RMDN2: variants seen among roughly 807,000 people sequenced by gnomAD.
The protein encoded by RMDN2 is regulator of microtubule dynamics protein 2.
Under a neutral mutation model 52.8 loss-of-function variants are expected in RMDN2, and 61 were observed. That is an observed-to-expected ratio of 1.16 (90% CI 0.94 to 1.43). The LOEUF (loss-of-function observed/expected upper bound fraction) is 1.43, where lower values mean the gene tolerates loss of function less well. Among genes scored for constraint, RMDN2 ranks in the 40% most tolerant of loss-of-function variants. RMDN2 has a pLI of 0.00. For missense variants in RMDN2, 592 were observed against 475.3 expected (o/e 1.25, Z -2.28); for synonymous variants, 180 against 153.1 (o/e 1.18, Z -1.30).
intron 2 of RMDN2, chr2:37,952,165 A>C: frequency 6.2e-7 from 1 of 1,613,238 alleles, no homozygotes; most frequent in Non-Finnish European, 8.5e-7. Context: ...TTTCAAGATG[A>C]AGACAGATCT....
chr2:38,058,248 A>G (rs2125305826), intron 10 of RMDN2, among the ~76,000 whole-genome samples: 1 of 152,330 alleles, frequency 6.6e-6, no homozygotes, highest in East Asian at 1.9e-4. Context: ...GGGCTAGGGA[A>G]GGGGGTGAAG....
intron 2 of RMDN2, chr2:37,950,128 A>G (rs76183228): frequency 0.013 from 2,389 of 186,666 alleles, 69 homozygotes; most frequent in African/African-American, 0.053. Context: ...GGATGCAAAA[A>G]TCTGGGGTAA....
chr2:37,935,102 A>G (rs1225850854), intron 2 of RMDN2, among the ~76,000 whole-genome samples: 1 of 152,134 alleles, frequency 6.6e-6, no homozygotes, highest in Non-Finnish European at 1.5e-5. Context: ...TTAGGTTCAT[A>G]TGATACTCTC....
chr2:38,041,747 TATTA>T (rs1456814463), intron 10 of RMDN2, among the ~76,000 whole-genome samples: 4 of 152,212 alleles, frequency 2.6e-5, no homozygotes, highest in Admixed American at 2.0e-4. Context: ...TGATAGATCA[TATTA>T]ATTAATTTTC....
chr2:38,003,896 T>C, intron 8 of RMDN2, 95 bp from the exon 9 acceptor site: 3 of 989,652 alleles, frequency 3.0e-6, no homozygotes, highest in Non-Finnish European at 4.8e-6. Context: ...GTTTGGTTCA[T>C]AATATTTGAT....
intron 10 of RMDN2, among the ~76,000 whole-genome samples, chr2:38,022,847 C>G (rs1244841713): frequency 6.6e-6 from 1 of 152,184 alleles, no homozygotes; most frequent in African/African-American, 2.4e-5. Context: ...CACTAAACTT[C>G]TCATTTTTAC....
intron 2 of RMDN2, among the ~76,000 whole-genome samples, chr2:37,967,519 A>C (rs1345395341): frequency 1.3e-5 from 2 of 152,248 alleles, no homozygotes; most frequent in African/African-American, 2.4e-5. Context: ...TCATGGCAAC[A>C]GACTTTTGGA....
At chr2:37,963,698 G>T (rs531093583) in intron 2 of RMDN2, among the ~76,000 whole-genome samples, 1 of 152,170 alleles carries the variant, frequency 6.6e-6, no homozygotes, top group East Asian at 1.9e-4. Flanking sequence ...ACAAAATGGA[G>T]TCTCCTATGT....
intron 3 of RMDN2, among the ~76,000 whole-genome samples, chr2:37,974,537 G>T (rs764011750): frequency 1.3e-4 from 20 of 149,456 alleles, no homozygotes; most frequent in Non-Finnish European, 2.4e-4. Flanking sequence ...GACAGATATG[G>T]GTATTCAAAG....
chr2:37,945,033 A>G (rs981366951), intron 2 of RMDN2, among the ~76,000 whole-genome samples: 1 of 152,214 alleles, frequency 6.6e-6, no homozygotes, highest in Admixed American at 6.5e-5. Context: ...CGAAGAAAGA[A>G]TAGTATCACT....
At chr2:37,959,187 C>T (rs1255936946) in intron 2 of RMDN2, among the ~76,000 whole-genome samples, 1 of 150,934 alleles carries the variant, frequency 6.6e-6, no homozygotes. Context: ...AGGGAGAAGT[C>T]CCTCTTTTTC....
Position 37,991,230 on chromosome 2 carries a change from A to G in RMDN2, c.878A>G (p.Asp293Gly), listed in dbSNP as rs1270679118. The change falls in exon 7 of 11, where the codon GAT becomes GGT. Residue 293 changes from aspartate (D) to glycine (G), a missense_variant. Coordinates refer to ENST00000354545, the MANE Select transcript of RMDN2 (RefSeq NM_001170791.3). ...NYGHLFKEHLDIAIKLLPEEP... is the reference protein window; with the variant it reads ...NYGHLFKEHLGIAIKLLPEEP... Reference sequence around the variant, plus strand: ...GGATGCTTTTTTCAGGAACATCTAGATATAGCAATCAAACTTTTACCAGAG... The same window carrying G: ...GGATGCTTTTTTCAGGAACATCTAGGTATAGCAATCAAACTTTTACCAGAG... 1 of 1,583,462 alleles carries G rather than the reference A, an allele frequency of 6.3e-7. No individual in the cohort carries two copies. Among genetic ancestry groups the G allele is most frequent in the Non-Finnish European group, 8.6e-7 (1 of 1,160,854 alleles).
intron 10 of RMDN2, among the ~76,000 whole-genome samples, chr2:38,011,000 AC>A (rs1345000677): frequency 1.3e-5 from 2 of 152,198 alleles, no homozygotes; most frequent in African/African-American, 4.8e-5. Context: ...TAGATGTAAG[AC>A]AGCAGGGAGT....
intron 10 of RMDN2, among the ~76,000 whole-genome samples, chr2:38,062,388 G>A (rs1682089058): frequency 6.6e-6 from 1 of 152,180 alleles, no homozygotes; most frequent in Admixed American, 6.5e-5. Context: ...TCAAGTTGTT[G>A]TGTGTATCAA....
chr2:38,017,615 A>G lies in RMDN2; in HGVS notation c.*376A>G, dbSNP rs1270794921. ...AAAATAATTTCATTAATGTGGATGA[A>G]AAATGGAAAACTCAGCAAAGGACAT... On this transcript the variant is annotated 3_prime_UTR_variant, in exon 11 of 11. Transcript: ENST00000354545. 2.5e-6 allele frequency: 3 copies of G among 1,217,240 alleles called. No individual in the cohort carries two copies. Among genetic ancestry groups the G allele is most frequent in the African/African-American group, 1.6e-5 (1 of 63,168 alleles). The allele number at this position is 1,217,240 out of a possible 1,614,324, so 75.4% of individuals were successfully genotyped here. A position where few individuals can be genotyped will look rare whatever the true frequency, so the allele number is the denominator to read the frequency against.
At chr2:37,973,944 A>G in intron 2 of RMDN2, 96 bp from the exon 3 acceptor site, 2 of 973,676 alleles carry the variant, frequency 2.1e-6, no homozygotes, top group Admixed American at 2.2e-5. Flanking sequence ...AGTTTCAAGC[A>G]TAAGAGGGGC....
At chr2:37,931,635 CA>C (rs1355919406) in intron 2 of RMDN2, among the ~76,000 whole-genome samples, 1 of 152,156 alleles carries the variant, frequency 6.6e-6, no homozygotes, top group Non-Finnish European at 1.5e-5. Flanking sequence ...GAAAAAGAGG[CA>C]AACTTTGATA....
rs545965294 is a variant in RMDN2, at chr2:37,997,342, C to T, written c.946-74C>T. On this transcript the variant is annotated intron_variant, in intron 7 of 10. Coordinates refer to ENST00000354545, the MANE Select transcript of RMDN2 (RefSeq NM_001170791.3). ...CACGTATATACACATAACACACACA[C>T]GTCTAACTGGGGAGAGATAATCCAT... 5.7e-5 allele frequency: 51 copies of T among 897,662 alleles called. No individual in the cohort carries two copies. In the East Asian group the frequency reaches 8.2e-4, roughly 14 times the overall value. 55.6% of individuals were successfully genotyped at this position (897,662 alleles called of 1,614,324 possible).
At chr2:37,978,265 C>T (rs970644603) in intron 4 of RMDN2, among the ~76,000 whole-genome samples, 1 of 134,398 alleles carries the variant, frequency 7.4e-6, no homozygotes, top group African/African-American at 2.9e-5. Flanking sequence ...GTCGAGATGG[C>T]GGCAGTACAG....
Sources: gnomAD v4.1 joint callset for allele counts (sites outside exome capture counted in the v4.1 genomes callset) on GRCh38, gnomAD v4.1.1 for gene constraint, MANE v1.5 for transcripts, NCBI Gene and HGNC (gene_info 2026-07-23, HGNC 2026-07-21) for gene names.